The following NRXN3 variants were observed in gnomAD, a reference collection of about 807,000 sequenced individuals.
NRXN3 encodes neurexin III.
Under a neutral mutation model 137.6 loss-of-function variants are expected in NRXN3, and 32 were observed. The observed-to-expected ratio is 0.23, with a 90% CI of 0.18 to 0.31. The LOEUF is 0.31. Among genes scored for constraint, NRXN3 ranks in the 10% least tolerant of loss-of-function variants. NRXN3 has a pLI of 1.00. For synonymous variants in NRXN3, 798 were observed against 784.5 expected (o/e 1.02, Z -0.29); for missense variants, 1,574 against 2,062.5 (o/e 0.76, Z 4.59).
intron 16 of NRXN3, among the ~76,000 whole-genome samples, chr14:79,602,693 A>G (rs541070976): frequency 6.6e-6 from 1 of 152,148 alleles, no homozygotes; most frequent in African/African-American, 2.4e-5. Flanking sequence ...AGATCTAACC[A>G]GTTCCTCCTA....
chr14:78,867,579 G>A (rs2099090314), intron 10 of NRXN3, among the ~76,000 whole-genome samples: 2 of 152,144 alleles, frequency 1.3e-5, no homozygotes, highest in African/African-American at 4.8e-5. Context: ...CTTCCCTGAA[G>A]CAGTCATGAA....
intron 15 of NRXN3, among the ~76,000 whole-genome samples, chr14:79,215,903 G>C (rs1006408091): frequency 6.6e-6 from 1 of 152,138 alleles, no homozygotes; most frequent in East Asian, 1.9e-4. Flanking sequence ...TTTCTGGTGT[G>C]ATTCTTCCAG....
chr14:78,658,846 CA>C (rs2097807794), intron 6 of NRXN3, among the ~76,000 whole-genome samples: 1 of 152,074 alleles, frequency 6.6e-6, no homozygotes, highest in Non-Finnish European at 1.5e-5. Flanking sequence ...AGAACCAACA[CA>C]AAAGGTGACC....
chr14:78,896,929 C>A (rs2099178007), intron 10 of NRXN3, among the ~76,000 whole-genome samples: 1 of 151,766 alleles, frequency 6.6e-6, no homozygotes, highest in Admixed American at 6.6e-5. Flanking sequence ...CAGTGGGTAA[C>A]CATTCATGGC....
At chr14:79,431,156 T>A (rs2095747467) in intron 15 of NRXN3, among the ~76,000 whole-genome samples, 1 of 152,130 alleles carries the variant, frequency 6.6e-6, no homozygotes, top group South Asian at 2.1e-4. Context: ...AAAAAATTCT[T>A]CGTATCTTGC....
chr14:78,518,072 A>G (rs1324156552), intron 4 of NRXN3, among the ~76,000 whole-genome samples: 1 of 152,206 alleles, frequency 6.6e-6, no homozygotes, highest in Non-Finnish European at 1.5e-5. Context: ...CCTAGATAAC[A>G]TAGAAGATTA....
intron 15 of NRXN3, among the ~76,000 whole-genome samples, chr14:79,081,475 G>A (rs938129637): frequency 6.6e-6 from 1 of 152,098 alleles, no homozygotes; most frequent in African/African-American, 2.4e-5. Context: ...GCAGCCAGGT[G>A]TGGTGGCATG....
chr14:78,795,855 G>A (rs2153064004), intron 8 of NRXN3, among the ~76,000 whole-genome samples: 1 of 152,230 alleles, frequency 6.6e-6, no homozygotes, highest in South Asian at 2.1e-4. Context: ...ACAGCAAATG[G>A]AAAAACATTT....
intron 16 of NRXN3, among the ~76,000 whole-genome samples, chr14:79,649,159 C>T (rs1202528398): frequency 6.6e-6 from 1 of 152,086 alleles, no homozygotes; most frequent in East Asian, 1.9e-4. Context: ...CCTCAATGAA[C>T]CCATAAGTAT....
In NRXN3 at chr14:78,251,006, A is replaced by G. The variant is rs1406488860; in HGVS notation, c.709+7204A>G. On this transcript the variant is annotated intron_variant, in intron 2 of 20. Coordinates refer to ENST00000335750, the MANE Select transcript of NRXN3 (RefSeq NM_001330195.2). Reference sequence around the variant, plus strand: ...GGAAAGAAAATGAAAATGAATGAATATGAGTATAGTATTCAATTCCCAGCC... The same window carrying G: ...GGAAAGAAAATGAAAATGAATGAATGTGAGTATAGTATTCAATTCCCAGCC... 3.9e-5 allele frequency among the ~76,000 whole-genome samples: 6 copies of G among 152,290 alleles called. No homozygotes were observed. In the South Asian group the frequency reaches 1.0e-3, roughly 26 times the overall value.
At chr14:79,131,008 G>A (rs1330836020) in intron 15 of NRXN3, among the ~76,000 whole-genome samples, 4 of 152,066 alleles carry the variant, frequency 2.6e-5, no homozygotes, top group Non-Finnish European at 4.4e-5. Context: ...CGTAGTTCTC[G>A]AGCCTTGGCT....
chr14:78,188,499 C>G (rs2060436844), intron 1 of NRXN3, among the ~76,000 whole-genome samples: 2 of 152,172 alleles, frequency 1.3e-5, no homozygotes, highest in African/African-American at 4.8e-5. Flanking sequence ...ATGTGCAAGG[C>G]TAGACAACCA....
At position 79,077,497 on chromosome 14, in the gene NRXN3, C is replaced by T. The variant is rs560610582; in HGVS notation, c.3262+89356C>T. ...CCTACAGAATATAATAAATTACTAT[C>T]CTTGTTAATTCTTTTATCAAAGATA... On this transcript the variant is annotated intron_variant, in intron 15 of 20. Coordinates refer to ENST00000335750, the MANE Select transcript of NRXN3 (RefSeq NM_001330195.2). Among the ~76,000 whole-genome samples, 4 of 152,226 alleles carry T rather than the reference C, an allele frequency of 2.6e-5. No individual in the cohort carries two copies. In the South Asian group the frequency reaches 8.3e-4, roughly 32 times the overall value.
intron 8 of NRXN3, among the ~76,000 whole-genome samples, chr14:78,766,210 C>A (rs1408832206): frequency 6.6e-6 from 1 of 152,070 alleles, no homozygotes; most frequent in East Asian, 1.9e-4. Context: ...GTTCTCTTTA[C>A]CTTGAGTAGC....
At chr14:78,810,466 G>C (rs372883211) in intron 10 of NRXN3, 122 bp downstream of exon 10, 10 of 245,544 alleles carry the variant, frequency 4.1e-5, no homozygotes, top group Non-Finnish European at 6.5e-5. Context: ...ACAATGGAGT[G>C]GGGGGGACCT....
chr14:79,267,232 G>A (rs183631246), intron 15 of NRXN3, among the ~76,000 whole-genome samples: 506 of 152,118 alleles, frequency 3.3e-3, no homozygotes, highest in Admixed American at 5.6e-3. Context: ...CTTTCTAAAA[G>A]CATTGCTTTA....
At chr14:79,827,426 G>A (rs543878836) in intron 20 of NRXN3, among the ~76,000 whole-genome samples, 2 of 152,204 alleles carry the variant, frequency 1.3e-5, no homozygotes, top group Admixed American at 1.3e-4. Flanking sequence ...TCTGGGAGCA[G>A]CAACTGTCTC....
intron 10 of NRXN3, among the ~76,000 whole-genome samples, chr14:78,852,470 G>A (rs188397156): frequency 6.6e-6 from 1 of 152,252 alleles, no homozygotes; most frequent in Admixed American, 6.5e-5. Context: ...CAGGTGTCTG[G>A]AAGTGTTTTG....
intron 15 of NRXN3, among the ~76,000 whole-genome samples, chr14:79,069,591 C>T (rs371413798): frequency 9.9e-5 from 15 of 151,606 alleles, no homozygotes; most frequent in Admixed American, 1.3e-4. Flanking sequence ...AGAGAAAATA[C>T]CACTTTTCTG....
Sources: gnomAD v4.1 joint callset for allele counts (sites outside exome capture counted in the v4.1 genomes callset) on GRCh38, gnomAD v4.1.1 for gene constraint, MANE v1.5 for transcripts, NCBI Gene and HGNC (gene_info 2026-07-23, HGNC 2026-07-21) for gene names.